Variants in ASIC2 observed in about 807,000 individuals in gnomAD.
ASIC2 encodes acid sensing ion channel subunit 2.
Under a neutral mutation model 57.3 loss-of-function variants are expected in ASIC2, and 25 were observed. That is an observed-to-expected ratio of 0.44 (90% CI 0.32 to 0.61). ASIC2 has a LOEUF of 0.61. ASIC2 is among the 20% of genes least tolerant of loss of function. ASIC2 has a pLI of 0.06. For synonymous variants in ASIC2, 319 were observed against 307.5 expected, an observed-to-expected ratio of 1.04 and a Z score of -0.39; for missense variants, 641 against 738.1, an observed-to-expected ratio of 0.87 and a Z score of 1.52.
intron 1 of ASIC2, among the ~76,000 whole-genome samples, chr17:33,354,222 G>A (rs1332354364): frequency 1.3e-5 from 2 of 152,112 alleles, no homozygotes; most frequent in African/African-American, 4.8e-5. Flanking sequence ...TTTGGCTGGG[G>A]ACACAGAGCC....
intron 1 of ASIC2, among the ~76,000 whole-genome samples, chr17:33,879,742 G>C (rs1051070755): frequency 6.6e-6 from 1 of 152,246 alleles, no homozygotes; most frequent in Admixed American, 6.5e-5. Context: ...ATTCAGCTCC[G>C]CACCAAGCGG....
chr17:33,974,261 C>G (rs1424835472), intron 1 of ASIC2, among the ~76,000 whole-genome samples: 1 of 152,158 alleles, frequency 6.6e-6, no homozygotes, highest in Non-Finnish European at 1.5e-5. Flanking sequence ...AATTCCCTCC[C>G]AATTCCCAAG....
At chr17:33,588,279 T>C (rs1486424468) in intron 1 of ASIC2, among the ~76,000 whole-genome samples, 2 of 152,192 alleles carry the variant, frequency 1.3e-5, no homozygotes, top group Non-Finnish European at 2.9e-5. Flanking sequence ...TAGCACAGAA[T>C]CATGAGATAC....
At chr17:33,875,598 A>C (rs1019899207) in intron 1 of ASIC2, among the ~76,000 whole-genome samples, 1 of 152,166 alleles carries the variant, frequency 6.6e-6, no homozygotes, top group South Asian at 2.1e-4. Context: ...TTGGGGAGCC[A>C]AGTTCACCTC....
chr17:33,491,599 G>A (rs1245418561), intron 1 of ASIC2, among the ~76,000 whole-genome samples: 3 of 152,196 alleles, frequency 2.0e-5, no homozygotes, highest in African/African-American at 7.2e-5. Context: ...CTTTCATCGA[G>A]TTGATCTAAC....
Position 33,870,993 on chromosome 17 carries a change from TGCTGGCATGAA to T in ASIC2, c.555+284974_555+284984del, listed in dbSNP as rs537121963. Among the ~76,000 whole-genome samples, 455 of 152,266 alleles carry T rather than the reference TGCTGGCATGAA, an allele frequency of 3.0e-3. 9 individuals carry two copies. Among genetic ancestry groups the T allele is most frequent in the African/African-American group, 0.01 (428 of 41,554 alleles). On this transcript the variant is annotated intron_variant, in intron 1 of 9. Transcript: ENST00000359872. ...CTTGTGCCCACCCCACCCCCTGAGA[TGCTGGCATGAA>T]GCTGGGCATCTTGGCTTCAGCCAAA...
intron 1 of ASIC2, among the ~76,000 whole-genome samples, chr17:33,610,407 T>A (rs1905365525): frequency 6.6e-6 from 1 of 152,176 alleles, no homozygotes; most frequent in South Asian, 2.1e-4. Context: ...TCTGCCCGCC[T>A]CGGCCTCCCA....
At chr17:33,959,013 A>C (rs1041455587) in intron 1 of ASIC2, among the ~76,000 whole-genome samples, 2 of 152,114 alleles carry the variant, frequency 1.3e-5, no homozygotes, top group African/African-American at 2.4e-5. Flanking sequence ...AAAAAGCATA[A>C]CAAGAGTGAC....
At chr17:33,633,148 G>T (rs923057230) in intron 1 of ASIC2, among the ~76,000 whole-genome samples, 22 of 152,288 alleles carry the variant, frequency 1.4e-4, no homozygotes, top group African/African-American at 5.1e-4. Context: ...GGTCTCCAGG[G>T]AGTCATCTGA....
At chr17:33,968,470 G>A (rs112351437) in intron 1 of ASIC2, among the ~76,000 whole-genome samples, 26 of 152,312 alleles carry the variant, frequency 1.7e-4, no homozygotes, top group African/African-American at 5.8e-4. Flanking sequence ...TGCTTTTCCC[G>A]CACTGCAAGG....
At chr17:34,035,217 C>A (rs1907821605) in intron 1 of ASIC2, among the ~76,000 whole-genome samples, 1 of 144,730 alleles carries the variant, frequency 6.9e-6, no homozygotes, top group African/African-American at 2.8e-5. Context: ...ATATCTACAA[C>A]TATCTCATCT....
At chr17:33,110,755 G>A (rs2092254789) in intron 2 of ASIC2, among the ~76,000 whole-genome samples, 1 of 152,128 alleles carries the variant, frequency 6.6e-6, no homozygotes, top group African/African-American at 2.4e-5. Context: ...AGAGTCCAAA[G>A]TCAATGGACT....
At chr17:33,446,175 A>G (rs1463528337) in intron 1 of ASIC2, among the ~76,000 whole-genome samples, 1 of 152,274 alleles carries the variant, frequency 6.6e-6, no homozygotes, top group East Asian at 1.9e-4. Context: ...CATGTTGACC[A>G]GTAGCAAATA....
intron 1 of ASIC2, among the ~76,000 whole-genome samples, chr17:33,117,474 C>A (rs985576600): frequency 4.6e-5 from 7 of 152,190 alleles, no homozygotes; most frequent in Non-Finnish European, 8.8e-5. Flanking sequence ...CTGCACCTGG[C>A]CCTCCTCATT....
chr17:33,640,381 C>T (rs1364653531), intron 1 of ASIC2, among the ~76,000 whole-genome samples: 4 of 152,166 alleles, frequency 2.6e-5, no homozygotes, highest in African/African-American at 9.7e-5. Context: ...AGACAAGTCA[C>T]GAATCGAAAC....
At chr17:33,720,114 A>G (rs1909341563) in intron 1 of ASIC2, among the ~76,000 whole-genome samples, 1 of 152,182 alleles carries the variant, frequency 6.6e-6, no homozygotes, top group African/African-American at 2.4e-5. Flanking sequence ...TCCTGGCCTC[A>G]AGGGATCCTC....
chr17:33,697,810 A>G (rs1259790423), intron 1 of ASIC2, among the ~76,000 whole-genome samples: 3 of 152,242 alleles, frequency 2.0e-5, no homozygotes, highest in Non-Finnish European at 4.4e-5. Context: ...ATATCTTCAT[A>G]TGATATAGCA....
At chr17:34,089,084 C>T (rs536800376) in intron 1 of ASIC2, among the ~76,000 whole-genome samples, 3 of 152,346 alleles carry the variant, frequency 2.0e-5, no homozygotes, top group South Asian at 2.1e-4. Flanking sequence ...GTGAGATGAA[C>T]CCGGTACCTC....
rs575926242 is a variant in ASIC2 at position 33,485,493 on chromosome 17, G to A, written c.556-373426C>T. ...TGTATACAGTTAGTAGGCTCCATGT[G>A]CTTCAATATCCTTCAAGTACTTAAG... is the stretch of plus-strand genomic sequence containing the variant. On this transcript the variant is annotated intron_variant, in intron 1 of 9. Transcript: ENST00000359872. 2.0e-5 allele frequency among the ~76,000 whole-genome samples: 3 copies of A among 152,322 alleles called. No homozygotes were observed. The East Asian group carries it at 5.8e-4, about 29-fold the overall frequency.
Sources: allele counts gnomAD v4.1 joint callset (sites outside exome capture counted in the v4.1 genomes callset), GRCh38; gene constraint gnomAD v4.1.1; transcripts MANE v1.5; gene names NCBI Gene and HGNC (gene_info 2026-07-23, HGNC 2026-07-21).